Variants in BMERB1 observed in about 807,000 individuals in gnomAD.
BMERB1 encodes bMERB domain-containing protein 1.
In BMERB1, 12 loss-of-function variants were observed where a neutral mutation model predicts 23.6. That is an observed-to-expected ratio of 0.51 (90% confidence interval 0.33 to 0.82). BMERB1 has a LOEUF of 0.82. Among genes scored for constraint, BMERB1 ranks in the 40% least tolerant of loss-of-function variants. BMERB1 has a pLI of 0.03. For synonymous variants in BMERB1, 122 were observed against 96.6 expected (o/e 1.26, Z -1.54); for missense variants, 247 against 255.4 (o/e 0.97, Z 0.22).
rs1051327203 is a variant in BMERB1 at position 15,439,597 on chromosome 16, C to T, written c.106+4838C>T. 4.9e-4 allele frequency among the ~76,000 whole-genome samples: 75 copies of T among 152,194 alleles called. 3 individuals carry two copies. On this transcript the variant is annotated intron_variant, in intron 1 of 5. Coordinates refer to ENST00000300006, the MANE Select transcript of BMERB1 (RefSeq NM_033201.3). ...GTGGAGAAAGGCTTCTGCACCCTTA[C>T]AAACCATCTAGTATTTTCTCCTTTG... is the stretch of plus-strand genomic sequence containing the variant.
chr16:15,584,450 C>T (rs748776706), intron 5 of BMERB1, among the ~76,000 whole-genome samples: 1 of 151,098 alleles, frequency 6.6e-6, no homozygotes, highest in Non-Finnish European at 1.5e-5. Flanking sequence ...CCCAGCTACT[C>T]GGGAAGCTGA....
chr16:15,520,799 T>A (rs9932985), intron 2 of BMERB1, among the ~76,000 whole-genome samples: 13,317 of 152,168 alleles, frequency 0.088, 1,857 homozygotes, highest in African/African-American at 0.3. Context: ...TAGATACTCT[T>A]TTGGATAAAT....
At chr16:15,496,031 TGAA>T (rs1311852098) in intron 1 of BMERB1, among the ~76,000 whole-genome samples, 2 of 151,952 alleles carry the variant, frequency 1.3e-5, no homozygotes, top group Non-Finnish European at 2.9e-5. Flanking sequence ...ATGGTGATGA[TGAA>T]AGGGGTGGTA....
intron 2 of BMERB1, among the ~76,000 whole-genome samples, chr16:15,531,283 G>A (rs1477805232): frequency 6.6e-6 from 1 of 152,028 alleles, no homozygotes; most frequent in Admixed American, 6.6e-5. Context: ...TAATACAGTT[G>A]GGATCTCATC....
chr16:15,510,060 C>T (rs762139374), intron 1 of BMERB1, among the ~76,000 whole-genome samples: 12 of 152,150 alleles, frequency 7.9e-5, no homozygotes, highest in Admixed American at 3.9e-4. Context: ...TACTACAAAC[C>T]AAGGAGCCAG....
At chr16:15,475,788 C>T (rs988086382) in intron 1 of BMERB1, among the ~76,000 whole-genome samples, 1 of 152,150 alleles carries the variant, frequency 6.6e-6, no homozygotes, top group African/African-American at 2.4e-5. Flanking sequence ...CTGCTTCTGC[C>T]ACATGGGAGT....
At chr16:15,453,774 T>G (rs1401017368) in intron 1 of BMERB1, among the ~76,000 whole-genome samples, 1 of 151,750 alleles carries the variant, frequency 6.6e-6, no homozygotes, top group Non-Finnish European at 1.5e-5. Context: ...CACGAGAGGC[T>G]GAGGCTGAAG....
At chr16:15,496,809 A>T (rs992367740) in intron 1 of BMERB1, among the ~76,000 whole-genome samples, 2 of 152,164 alleles carry the variant, frequency 1.3e-5, no homozygotes, top group Non-Finnish European at 2.9e-5. Flanking sequence ...AAGTGCTGGG[A>T]TTACAGGCAT....
intron 2 of BMERB1, among the ~76,000 whole-genome samples, chr16:15,536,303 GC>G (rs912740694): frequency 9.9e-5 from 15 of 151,896 alleles, no homozygotes; most frequent in African/African-American, 3.4e-4. Context: ...ACCAACAGCA[GC>G]CCCCCCGCCT....
At chr16:15,568,268 ACTT>A (rs1176728258) in intron 3 of BMERB1, among the ~76,000 whole-genome samples, 2 of 152,200 alleles carry the variant, frequency 1.3e-5, no homozygotes, top group Non-Finnish European at 2.9e-5. Flanking sequence ...AAGTCACTGT[ACTT>A]CTCTGAGACT....
chr16:15,498,235 A>G (rs891760196), intron 1 of BMERB1, among the ~76,000 whole-genome samples: 1 of 151,940 alleles, frequency 6.6e-6, no homozygotes, highest in South Asian at 2.1e-4. Flanking sequence ...TGGGAGCACA[A>G]TAAAAAAACT....
At chr16:15,458,297 G>C (rs2051102369) in intron 1 of BMERB1, among the ~76,000 whole-genome samples, 1 of 152,192 alleles carries the variant, frequency 6.6e-6, no homozygotes, top group African/African-American at 2.4e-5. Context: ...TTTGAGGGCA[G>C]AAACCGTGAC....
intron 1 of BMERB1, among the ~76,000 whole-genome samples, chr16:15,449,647 G>C (rs927588637): frequency 6.6e-6 from 1 of 151,890 alleles, no homozygotes; most frequent in Non-Finnish European, 1.5e-5. Context: ...CCAGGTTCAA[G>C]CGATTCTCCT....
intron 1 of BMERB1, among the ~76,000 whole-genome samples, chr16:15,478,646 T>G (rs934141286): frequency 4.6e-5 from 7 of 152,332 alleles, no homozygotes; most frequent in South Asian, 2.1e-4. Context: ...TAATTTTTCT[T>G]TATTGTGTTG....
chr16:15,462,519 C>G (rs1316193733), intron 1 of BMERB1, among the ~76,000 whole-genome samples: 3 of 152,016 alleles, frequency 2.0e-5, no homozygotes, highest in East Asian at 1.9e-4. Flanking sequence ...ACTAGGGGAC[C>G]TGAGTTAACC....
At chr16:15,561,378 C>T (rs1226176043) in intron 2 of BMERB1, among the ~76,000 whole-genome samples, 1 of 148,156 alleles carries the variant, frequency 6.7e-6, no homozygotes, top group African/African-American at 2.5e-5. Context: ...AAGCGATTCT[C>T]CTGCTTCAGC....
chr16:15,498,079 A>G (rs1469966102), intron 1 of BMERB1, among the ~76,000 whole-genome samples: 2 of 152,202 alleles, frequency 1.3e-5, no homozygotes, highest in African/African-American at 4.8e-5. Flanking sequence ...ACTGAGGCAT[A>G]GAGTGTTTAA....
At chr16:15,521,337 G>A (rs919918539) in intron 2 of BMERB1, among the ~76,000 whole-genome samples, 1 of 152,194 alleles carries the variant, frequency 6.6e-6, no homozygotes, top group African/African-American at 2.4e-5. Flanking sequence ...TCAGTCTGCT[G>A]GGAATGTGCT....
intron 2 of BMERB1, among the ~76,000 whole-genome samples, chr16:15,560,951 GCT>G (rs2030400331): frequency 7.6e-6 from 1 of 131,756 alleles, no homozygotes; most frequent in Non-Finnish European, 1.6e-5. Context: ...TTTCTCTGCT[GCT>G]TTTTTTTTTT....
Sources: allele counts gnomAD v4.1 joint callset (sites outside exome capture counted in the v4.1 genomes callset), GRCh38; gene constraint gnomAD v4.1.1; transcripts MANE v1.5; gene names NCBI Gene and HGNC (gene_info 2026-07-23, HGNC 2026-07-21).